The following LRRC4C variants were observed in gnomAD, a reference collection of about 807,000 sequenced individuals.
The protein encoded by LRRC4C is leucine rich repeat containing 4C, also known as leucine-rich repeat-containing protein 4C.
A neutral mutation model predicts 33.6 loss-of-function variants in LRRC4C; 5 were observed. That is an observed-to-expected ratio of 0.15 (90% CI 0.08 to 0.31). The LOEUF (loss-of-function observed/expected upper bound fraction) is 0.31. Among genes scored for constraint, LRRC4C ranks in the 10% least tolerant of loss-of-function variants. The pLI is 1.00. For missense variants in LRRC4C, 560 were observed against 796.7 expected (o/e 0.70, Z 3.58); for synonymous variants, 329 against 302.0 (o/e 1.09, Z -0.93).
chr11:40,564,416 C>T (rs1957674239), intron 3 of LRRC4C, among the ~76,000 whole-genome samples: 1 of 152,198 alleles, frequency 6.6e-6, no homozygotes, highest in African/African-American at 2.4e-5. Flanking sequence ...ACATGTAATT[C>T]ATCCAGTCCA....
At chr11:40,452,951 T>C (rs1454467211) in intron 3 of LRRC4C, among the ~76,000 whole-genome samples, 7 of 150,198 alleles carry the variant, frequency 4.7e-5, no homozygotes, top group Non-Finnish European at 1.0e-4. Context: ...AAACACCGCA[T>C]GTTCTCACTC....
chr11:40,460,284 A>G (rs1475503578), intron 3 of LRRC4C, among the ~76,000 whole-genome samples: 2 of 152,106 alleles, frequency 1.3e-5, no homozygotes, highest in Non-Finnish European at 2.9e-5. Context: ...TAACATTTGA[A>G]AGGAACGGAG....
intron 1 of LRRC4C, among the ~76,000 whole-genome samples, chr11:41,146,550 C>A (rs772767962): frequency 3.9e-5 from 6 of 152,182 alleles, no homozygotes; most frequent in Non-Finnish European, 8.8e-5. Flanking sequence ...CAGTTAATAA[C>A]CTGATCACAG....
chr11:41,230,807 G>C (rs1193483569), intron 1 of LRRC4C, among the ~76,000 whole-genome samples: 1 of 149,998 alleles, frequency 6.7e-6, no homozygotes, highest in Non-Finnish European at 1.5e-5. Context: ...ACCACCATCA[G>C]AGTGAACAGG....
intron 2 of LRRC4C, among the ~76,000 whole-genome samples, chr11:40,866,476 G>T (rs1268218285): frequency 6.6e-6 from 1 of 152,086 alleles, no homozygotes; most frequent in Non-Finnish European, 1.5e-5. Context: ...ATCACAAAAT[G>T]AATTGACTAG....
chr11:41,325,580 TGTGTGTGTG>T (rs1951091598), intron 1 of LRRC4C, among the ~76,000 whole-genome samples: 1 of 45,114 alleles, frequency 2.2e-5, no homozygotes, highest in African/African-American at 6.1e-5. Flanking sequence ...TTTTTTTTTG[TGTGTGTGTG>T]TGTGTGTGTG....
intron 1 of LRRC4C, among the ~76,000 whole-genome samples, chr11:41,127,880 A>T (rs894539707): frequency 2.6e-5 from 4 of 152,122 alleles, no homozygotes; most frequent in African/African-American, 9.7e-5. Flanking sequence ...CTTTATCTTT[A>T]ACCTACTGGG....
At chr11:40,431,472 C>T (rs1270052170) in intron 3 of LRRC4C, among the ~76,000 whole-genome samples, 1 of 151,790 alleles carries the variant, frequency 6.6e-6, no homozygotes, top group East Asian at 1.9e-4. Flanking sequence ...GCTAGGCAAC[C>T]AGCCTCTCAT....
intron 3 of LRRC4C, among the ~76,000 whole-genome samples, chr11:40,465,531 A>G (rs1952609363): frequency 6.6e-6 from 1 of 152,066 alleles, no homozygotes; most frequent in Non-Finnish European, 1.5e-5. Flanking sequence ...ACTGGGAGAA[A>G]CTATTTGCAA....
At chr11:40,182,721 T>A (rs1320701709) in intron 5 of LRRC4C, among the ~76,000 whole-genome samples, 1 of 152,172 alleles carries the variant, frequency 6.6e-6, no homozygotes, top group Non-Finnish European at 1.5e-5. Context: ...ACATCCCAAA[T>A]GTCAAATGCA....
At chr11:41,302,011 T>C (rs1052377416) in intron 1 of LRRC4C, among the ~76,000 whole-genome samples, 6 of 152,234 alleles carry the variant, frequency 3.9e-5, no homozygotes, top group African/African-American at 1.4e-4. Context: ...TTACTCCTAA[T>C]AATTTCAGAA....
intron 1 of LRRC4C, among the ~76,000 whole-genome samples, chr11:41,416,507 A>G (rs930259248): frequency 6.6e-6 from 1 of 152,056 alleles, no homozygotes. Context: ...TTGATGTAGC[A>G]TTAATATAGA....
intron 3 of LRRC4C, among the ~76,000 whole-genome samples, chr11:40,492,334 C>A (rs2138525692): frequency 6.6e-6 from 1 of 152,238 alleles, no homozygotes; most frequent in East Asian, 1.9e-4. Context: ...TTAAGTAGAT[C>A]CCACAGATAT....
Position 40,358,219 on chromosome 11 carries a change from C to A in LRRC4C, c.-269-38498G>T, listed in dbSNP as rs117701793. Among the ~76,000 whole-genome samples the A allele has an allele frequency of 2.2e-3, 337 of 151,804 alleles. 1 individual carries two copies. In the East Asian group the frequency reaches 0.038, roughly 17 times the overall value. On this transcript the variant is annotated intron_variant, in intron 3 of 6. Coordinates refer to ENST00000528697, the MANE Select transcript of LRRC4C (RefSeq NM_001258419.2). Reference sequence around the variant, plus strand: ...AATAAATAACAAAAAACAACAACAACAAAAAAGGAAATAGAGAGAAGTAAG... The same window carrying A: ...AATAAATAACAAAAAACAACAACAAAAAAAAAGGAAATAGAGAGAAGTAAG...
At chr11:41,177,360 A>T (rs1315278954) in intron 1 of LRRC4C, among the ~76,000 whole-genome samples, 2 of 152,194 alleles carry the variant, frequency 1.3e-5, no homozygotes, top group Non-Finnish European at 2.9e-5. Flanking sequence ...AGGAAAATGG[A>T]GATATTGCTT....
Position 40,550,228 on chromosome 11 carries a change from A to G in LRRC4C, c.-270+97914T>C, listed in dbSNP as rs116042829. Among the ~76,000 whole-genome samples the G allele has an allele frequency of 8.8e-3, 1,339 of 152,254 alleles. 12 individuals carry two copies. Among genetic ancestry groups the G allele is most frequent in the African/African-American group, 0.031 (1,270 of 41,562 alleles). ...AGTAATTTAATAATGATACTGAGGCATATGTTTAATGTGTATCCCTTGATT... is the reference window on the plus strand; with the variant it reads ...AGTAATTTAATAATGATACTGAGGCGTATGTTTAATGTGTATCCCTTGATT... On this transcript the variant is annotated intron_variant, in intron 3 of 6. Coordinates refer to ENST00000528697, the MANE Select transcript of LRRC4C (RefSeq NM_001258419.2).
At chr11:40,493,049 A>G (rs1349998733) in intron 3 of LRRC4C, among the ~76,000 whole-genome samples, 1 of 151,452 alleles carries the variant, frequency 6.6e-6, no homozygotes, top group African/African-American at 2.4e-5. Context: ...TATTTCTATA[A>G]CTATATGGTT....
At chr11:40,976,713 T>C (rs1852111040) in intron 1 of LRRC4C, among the ~76,000 whole-genome samples, 1 of 151,992 alleles carries the variant, frequency 6.6e-6, no homozygotes, top group African/African-American at 2.4e-5. Context: ...AGAGAGAGTA[T>C]ACAAAAAGGA....
At chr11:41,142,261 G>A (rs77933551) in intron 1 of LRRC4C, among the ~76,000 whole-genome samples, 7,239 of 152,244 alleles carry the variant, frequency 0.048, 268 homozygotes, top group African/African-American at 0.1. Flanking sequence ...AGGAATAGAA[G>A]GGTCATGGGG....
Sources: allele counts gnomAD v4.1 joint callset (sites outside exome capture counted in the v4.1 genomes callset), GRCh38; gene constraint gnomAD v4.1.1; transcripts MANE v1.5; gene names NCBI Gene and HGNC (gene_info 2026-07-23, HGNC 2026-07-21).